Variants in CYTIP observed in about 807,000 individuals in gnomAD.
CYTIP encodes the protein cytohesin 1 interacting protein, also known as cytohesin-interacting protein.
A neutral mutation model predicts 43.8 loss-of-function variants in CYTIP; 26 were observed. That is an observed-to-expected ratio of 0.59 (90% CI 0.44 to 0.82). The LOEUF (loss-of-function observed/expected upper bound fraction) is 0.82. Among genes scored for constraint, CYTIP ranks in the 40% least tolerant of loss-of-function variants. The probability of loss-of-function intolerance (pLI) is 0.00; values close to 1 mark genes in which losing one functional copy is unlikely to be tolerated. For missense variants in CYTIP, 426 were observed against 443.1 expected, an observed-to-expected ratio of 0.96 and a Z score of 0.35; for synonymous variants, 162 against 162.9, an observed-to-expected ratio of 0.99 and a Z score of 0.04.
intron 3 of CYTIP, among the ~76,000 whole-genome samples, chr2:157,433,790 G>C (rs1362955871): frequency 6.6e-6 from 1 of 152,130 alleles, no homozygotes; most frequent in Non-Finnish European, 1.5e-5. Context: ...TCTGCAAGTA[G>C]AGCCAAATGT....
intron 5 of CYTIP, 85 bp from the exon 6 acceptor site, chr2:157,427,505 T>A: frequency 1.3e-5 from 12 of 947,846 alleles, no homozygotes; most frequent in Non-Finnish European, 1.7e-5. Context: ...TACTACAGAG[T>A]ACTACACTTT....
intron 5 of CYTIP, among the ~76,000 whole-genome samples, chr2:157,429,394 G>A (rs576362153): frequency 1.3e-5 from 2 of 152,216 alleles, no homozygotes; most frequent in East Asian, 3.9e-4. Context: ...ACACATCTAA[G>A]CCAAACTAGC....
At chr2:157,423,879 C>A (rs1005883092) in intron 6 of CYTIP, among the ~76,000 whole-genome samples, 1 of 151,936 alleles carries the variant, frequency 6.6e-6, no homozygotes. Flanking sequence ...AGAATTTTTT[C>A]AAATGAATAA....
intron 1 of CYTIP, among the ~76,000 whole-genome samples, chr2:157,441,122 T>C (rs1685906062): frequency 6.6e-6 from 1 of 152,178 alleles, no homozygotes; most frequent in Non-Finnish European, 1.5e-5. Context: ...TAACCAGATA[T>C]AGCTTTGCAG....
intron 5 of CYTIP, among the ~76,000 whole-genome samples, chr2:157,428,407 A>G (rs1685647599): frequency 6.6e-6 from 1 of 152,236 alleles, no homozygotes; most frequent in Non-Finnish European, 1.5e-5. Context: ...AGCAAGCTAT[A>G]TACTGTCTGT....
chr2:157,425,506 C>A (rs1159796375), intron 6 of CYTIP, among the ~76,000 whole-genome samples: 1 of 152,056 alleles, frequency 6.6e-6, no homozygotes, highest in Non-Finnish European at 1.5e-5. Context: ...GCATTTTAAA[C>A]ATTGTATGGT....
rs566205087 is a variant in CYTIP, at chr2:157,429,667, G to C, written c.476+892C>G. Among the ~76,000 whole-genome samples the C allele has an allele frequency of 7.2e-5, 11 of 152,186 alleles. No individual in the cohort carries two copies. In the East Asian group the frequency reaches 2.1e-3, roughly 29 times the overall value. ...AACTATCCTAATAAGATTTTATTAG[G>C]TGCTAGTATTGTTATGGTAGAAAAA... is the stretch of plus-strand genomic sequence containing the variant. On this transcript the variant is annotated intron_variant, in intron 5 of 7. Coordinates refer to ENST00000264192, the MANE Select transcript of CYTIP (RefSeq NM_004288.5).
intron 6 of CYTIP, among the ~76,000 whole-genome samples, chr2:157,423,389 A>G (rs867831529): frequency 2.0e-5 from 3 of 151,994 alleles, no homozygotes; most frequent in Non-Finnish European, 4.4e-5. Context: ...AAAACATCAG[A>G]ATAATATTTT....
In CYTIP at chr2:157,443,890, A is replaced by G. The variant is rs1685954621; in HGVS notation, c.131T>C (p.Met44Thr). 1 of 1,614,132 alleles carries G rather than the reference A, an allele frequency of 6.2e-7. No individual in the cohort carries two copies. The highest frequency in any genetic ancestry group is 8.5e-7 in the Non-Finnish European group (1 of 1,179,988). Residue 44 changes from methionine (M) to threonine (T), a missense_variant, in exon 1 of 8, where the codon ATG becomes ACG. By Grantham distance (81) the Met-to-Thr change is moderately conservative (BLOSUM62 -1). Transcript: ENST00000264192. ...LTMDDNRRIQMLADTVATLPR... is the reference protein window; with the variant it reads ...LTMDDNRRIQTLADTVATLPR... ...CAGAGTAGCCACCGTGTCTGCTAGCATTTGAATCCTTCTATTATCGTCCAT... is the reference window on the plus strand; with the variant it reads ...CAGAGTAGCCACCGTGTCTGCTAGCGTTTGAATCCTTCTATTATCGTCCAT...
intron 4 of CYTIP, 21 bp from the exon 5 acceptor site, chr2:157,430,673 T>C (rs1263664501): frequency 6.2e-7 from 1 of 1,604,404 alleles, no homozygotes; most frequent in Admixed American, 1.7e-5. Context: ...CCAAGAAAAA[T>C]GAGTGTTATG....
chr2:157,433,875 A>G (rs1682539111), intron 3 of CYTIP, among the ~76,000 whole-genome samples: 1 of 152,210 alleles, frequency 6.6e-6, no homozygotes, highest in South Asian at 2.1e-4. Context: ...ATTATGTACA[A>G]TATGAACTCT....
Position 157,443,572 on chromosome 2 carries a change from T to C in CYTIP, c.174+275A>G, listed in dbSNP as rs561608342. ...TGTATCTATATAAACCATCTTCAAGTTTTTTATGCTTAATGATGTTTATTT... is the reference window on the plus strand; with the variant it reads ...TGTATCTATATAAACCATCTTCAAGCTTTTTATGCTTAATGATGTTTATTT... On this transcript the variant is annotated intron_variant, in intron 1 of 7. Transcript: ENST00000264192. Among the ~76,000 whole-genome samples, 207 of 152,256 alleles carry C rather than the reference T, an allele frequency of 1.4e-3. 1 individual carries two copies. The highest frequency in any genetic ancestry group is 4.8e-3 in the African/African-American group (199 of 41,546).
Position 157,415,596 on chromosome 2 carries a change from G to A in CYTIP, c.*81C>T. The A allele has an allele frequency of 2.1e-6, 2 of 945,032 alleles. No homozygotes were observed. Among genetic ancestry groups the A allele is most frequent in the East Asian group, 4.8e-5 (2 of 41,388 alleles). 58.5% of individuals were successfully genotyped at this position (945,032 alleles called of 1,614,324 possible). On this transcript the variant is annotated 3_prime_UTR_variant, in exon 8 of 8. Transcript: ENST00000264192. Reference sequence around the variant, plus strand: ...GGGATGTCAGTTTTGCAATTCTTCTGCACTTTCCCACCAAGCTGGGATCTG... The same window carrying A: ...GGGATGTCAGTTTTGCAATTCTTCTACACTTTCCCACCAAGCTGGGATCTG...
chr2:157,432,578 T>C (rs1313249783), intron 3 of CYTIP, among the ~76,000 whole-genome samples: 1 of 152,186 alleles, frequency 6.6e-6, no homozygotes, highest in East Asian at 1.9e-4. Flanking sequence ...ATTAGGAGGA[T>C]ATGAATTCAG....
At chr2:157,418,961 C>A (rs1006199371) in intron 6 of CYTIP, among the ~76,000 whole-genome samples, 1 of 152,132 alleles carries the variant, frequency 6.6e-6, no homozygotes, top group African/African-American at 2.4e-5. Flanking sequence ...AATAATAGAG[C>A]CTAAACCCCA....
intron 1 of CYTIP, among the ~76,000 whole-genome samples, chr2:157,435,063 T>C (rs922867232): frequency 5.3e-5 from 8 of 152,042 alleles, no homozygotes; most frequent in African/African-American, 1.9e-4. Context: ...AGTAATACAA[T>C]GTGGCAAAAG....
At chr2:157,441,379 C>T (rs528053961) in intron 1 of CYTIP, among the ~76,000 whole-genome samples, 61 of 152,160 alleles carry the variant, frequency 4.0e-4, no homozygotes, top group African/African-American at 1.2e-3. Flanking sequence ...GATAATTGTA[C>T]GGAATCAGAA....
At chr2:157,416,963 TTG>T (rs987691963) in intron 7 of CYTIP, among the ~76,000 whole-genome samples, 3 of 151,044 alleles carry the variant, frequency 2.0e-5, no homozygotes, top group Non-Finnish European at 3.0e-5. Context: ...GGTTGGTATC[TTG>T]TGTGTGTGTG....
chr2:157,430,912 C>T lies in CYTIP; in HGVS notation c.330G>A (p.Leu110=). 1 of 1,613,932 alleles carries T rather than the reference C, an allele frequency of 6.2e-7. No homozygotes were observed. Among genetic ancestry groups the T allele is most frequent in the Non-Finnish European group, 8.5e-7 (1 of 1,179,978 alleles). The part of the protein sequence containing the change: ...QNACSSEMFT[L]ICKIQEDSPA... ...GGCTGTCCTCCTGTATTTTGCATAT[C>T]AAAGTGAACATTTCCGAGGAGCAGG... The change falls in exon 4 of 8, where the codon TTG becomes TTA. Residue 110 remains leucine (L), a synonymous_variant. Transcript: ENST00000264192.
Sources: allele counts gnomAD v4.1 joint callset (sites outside exome capture counted in the v4.1 genomes callset), GRCh38; gene constraint gnomAD v4.1.1; transcripts MANE v1.5; gene names NCBI Gene and HGNC (gene_info 2026-07-23, HGNC 2026-07-21).